The following AKAP11 variants were observed in gnomAD, a reference collection of about 807,000 sequenced individuals.
AKAP11 encodes A-kinase anchor protein 11.
In AKAP11, 36 loss-of-function variants were observed where a neutral mutation model predicts 146.1. That is an observed-to-expected ratio of 0.25 (90% CI 0.19 to 0.33). The LOEUF (loss-of-function observed/expected upper bound fraction) is 0.33. Among genes scored for constraint, AKAP11 ranks in the 10% least tolerant of loss-of-function variants. AKAP11 has a pLI of 1.00. For synonymous variants in AKAP11, 780 were observed against 786.5 expected (o/e 0.99, Z 0.14); for missense variants, 2,201 against 2,197.0 (o/e 1.00, Z -0.04).
In AKAP11 at chr13:42,299,572, T is replaced by C. The variant is rs200655277; in HGVS notation, c.826T>C (p.Trp276Arg). The C allele has an allele frequency of 7.4e-6, 12 of 1,613,866 alleles. No individual in the cohort carries two copies. The Admixed American group carries it at 1.5e-4, about 20-fold the overall frequency. ...AGTCACAACATCAATTTCAGAGCCT[T>C]GGACCCAAAGGAGTTTCTATAGGTC... The part of the protein sequence containing the change: ...TSVTTSISEP[W>R]TQRSFYRSSN... The change falls in exon 8 of 13, where the codon TGG (tryptophan) becomes CGG (arginine). Residue 276 changes from tryptophan (W) to arginine (R), a missense_variant. Physicochemically the swap from Trp to Arg is moderately radical, Grantham distance 101. Around this residue, in one of 3 missense-constraint regions of AKAP11, gnomAD observed 331 missense variants for 347.4 expected, o/e 0.95. Transcript: ENST00000025301.
In AKAP11 at chr13:42,300,393, C is replaced by A; in HGVS notation, c.1647C>A (p.Ser549Arg). ...ATAAATCCTTAATGATTAAAGATAG[C>A]ATTCAAAAATTTGCAGCAGATCTTG... ...SKNKSLMIKD[S>R]IQKFAADLVE... is the part of the protein sequence containing the mutation. The change falls in exon 8 of 13, where the codon AGC becomes AGA. Residue 549 changes from serine (S) to arginine (R), a missense_variant. Coordinates refer to ENST00000025301, the MANE Select transcript of AKAP11 (RefSeq NM_016248.4). The A allele has an allele frequency of 6.2e-7, 1 of 1,610,716 alleles. No homozygotes were observed. The highest frequency in any genetic ancestry group is 1.7e-4 in the Middle Eastern group (1 of 6,042).
chr13:42,273,432 C>T (rs1037975148), intron 1 of AKAP11, among the ~76,000 whole-genome samples: 7 of 149,386 alleles, frequency 4.7e-5, no homozygotes, highest in Non-Finnish European at 8.9e-5. Flanking sequence ...TGTCGTTGTT[C>T]CTCCTGACAA....
At position 42,301,084 on chromosome 13, in the gene AKAP11, A is replaced by G. The variant is rs1243805398; in HGVS notation, c.2338A>G (p.Ile780Val). The change falls in exon 8 of 13, where the codon ATA becomes GTA. Residue 780 changes from isoleucine (I) to valine (V), a missense_variant. This residue lies in a region of AKAP11 where 1,867 missense variants were observed against 1,833.5 expected (regional missense o/e 1.02). Transcript: ENST00000025301. Reference sequence around the variant, plus strand: ...TTGTACTTCTGGAATTGTTACTTCTATACCGGTGCCCTTGGCAGGAAGTGC... The same window carrying G: ...TTGTACTTCTGGAATTGTTACTTCTGTACCGGTGCCCTTGGCAGGAAGTGC... ...LFCTSGIVTS[I>V]PVPLAGSALL... The G allele has an allele frequency of 6.2e-6, 10 of 1,613,968 alleles. No individual in the cohort carries two copies. Among genetic ancestry groups the G allele is most frequent in the African/African-American group, 1.3e-5 (1 of 74,920 alleles).
At chr13:42,285,819 C>A (rs554655816) in intron 1 of AKAP11, among the ~76,000 whole-genome samples, 167 bp from the exon 2 acceptor site, 1 of 150,080 alleles carries the variant, frequency 6.7e-6, no homozygotes, top group African/African-American at 2.4e-5. Flanking sequence ...ATTTCTCATT[C>A]GTCTATTATC....
intron 12 of AKAP11, among the ~76,000 whole-genome samples, chr13:42,318,529 G>A (rs1027757720): frequency 5.9e-5 from 9 of 152,210 alleles, no homozygotes; most frequent in African/African-American, 1.9e-4. Flanking sequence ...CATGTCGTGA[G>A]TGGTGACAAC....
At chr13:42,319,061 A>G (rs771637395) in intron 12 of AKAP11, 27 bp from the exon 13 acceptor site, 10 of 1,600,276 alleles carry the variant, frequency 6.2e-6, no homozygotes, top group Non-Finnish European at 8.5e-6. Context: ...GTTTTTGGTT[A>G]ATGTTTGACA....
intron 3 of AKAP11, among the ~76,000 whole-genome samples, chr13:42,289,975 A>G (rs1465458843): frequency 2.0e-5 from 3 of 152,176 alleles, no homozygotes; most frequent in Non-Finnish European, 2.9e-5. Context: ...TGTCAGTATC[A>G]TTACCACCTC....
Position 42,291,996 on chromosome 13 carries a change from CT to C in AKAP11, c.52-387del, listed in dbSNP as rs1959229795. 4.6e-5 allele frequency among the ~76,000 whole-genome samples: 7 copies of C among 152,262 alleles called. No individual in the cohort carries two copies. In the Middle Eastern group the frequency reaches 0.014, roughly 296 times the overall value. ...TAAGGGAGTAATCACTGTTGTGCAC[CT>C]TACCATAGCTCCCACATCATCTCAT... On this transcript the variant is annotated intron_variant, in intron 3 of 12. Coordinates refer to ENST00000025301, the MANE Select transcript of AKAP11 (RefSeq NM_016248.4).
At chr13:42,289,476 A>G (rs1186120494) in intron 3 of AKAP11, among the ~76,000 whole-genome samples, 1 of 152,100 alleles carries the variant, frequency 6.6e-6, no homozygotes, top group Non-Finnish European at 1.5e-5. Flanking sequence ...TCATTAATTC[A>G]TCTATGTAAG....
chr13:42,293,718 T>C (rs972614551), intron 4 of AKAP11, among the ~76,000 whole-genome samples: 3 of 152,174 alleles, frequency 2.0e-5, no homozygotes, highest in African/African-American at 4.8e-5. Flanking sequence ...TGGTGAGGCC[T>C]TTCTTGACCA....
intron 6 of AKAP11, 38 bp from the exon 7 acceptor site, chr13:42,298,495 A>C: frequency 6.3e-7 from 1 of 1,593,648 alleles, no homozygotes. Flanking sequence ...TTGTATTTGA[A>C]ATTAAAATTG....
At chr13:42,306,427 A>G (rs985438152) in intron 8 of AKAP11, among the ~76,000 whole-genome samples, 6 of 152,098 alleles carry the variant, frequency 3.9e-5, no homozygotes, top group African/African-American at 1.2e-4. Flanking sequence ...TGCCTTTGTT[A>G]TTGATTTTCT....
chr13:42,289,729 A>C (rs1959191732), intron 3 of AKAP11, among the ~76,000 whole-genome samples: 1 of 152,126 alleles, frequency 6.6e-6, no homozygotes, highest in East Asian at 1.9e-4. Flanking sequence ...CTTTGCACTT[A>C]CCATGTCATG....
At chr13:42,313,002 C>T in intron 9 of AKAP11, 45 bp from the exon 10 acceptor site, 1 of 1,517,620 alleles carries the variant, frequency 6.6e-7, no homozygotes, top group Non-Finnish European at 9.1e-7. Context: ...GTCTTTTCTA[C>T]TATTCATTTT....
chr13:42,288,379 T>G (rs1320546604), intron 3 of AKAP11, among the ~76,000 whole-genome samples: 1 of 152,224 alleles, frequency 6.6e-6, no homozygotes, highest in African/African-American at 2.4e-5. Flanking sequence ...TCAACAGTAG[T>G]TAATAATTTG....
chr13:42,276,992 T>G (rs1329786684), intron 1 of AKAP11, among the ~76,000 whole-genome samples: 1 of 152,256 alleles, frequency 6.6e-6, no homozygotes, highest in Non-Finnish European at 1.5e-5. Flanking sequence ...AGATTAAGAA[T>G]GTTACTCCAT....
At chr13:42,306,904 T>C (rs1007398988) in intron 8 of AKAP11, among the ~76,000 whole-genome samples, 2 of 152,218 alleles carry the variant, frequency 1.3e-5, no homozygotes, top group Non-Finnish European at 2.9e-5. Context: ...CAGGCTGATC[T>C]TGAATTCCTG....
chr13:42,313,190 A>G (rs1231818650), intron 10 of AKAP11, 60 bp downstream of exon 10: 1 of 1,280,348 alleles, frequency 7.8e-7, no homozygotes, highest in Non-Finnish European at 1.1e-6. Context: ...GCATGATGTC[A>G]TATTCTTCAA....
At chr13:42,315,700 T>A (rs1353377783) in intron 11 of AKAP11, among the ~76,000 whole-genome samples, 1 of 152,248 alleles carries the variant, frequency 6.6e-6, no homozygotes, top group Non-Finnish European at 1.5e-5. Flanking sequence ...TATGTTGATA[T>A]GTCATTACTG....
Sources: allele counts gnomAD v4.1 joint callset (sites outside exome capture counted in the v4.1 genomes callset), GRCh38; gene constraint gnomAD v4.1.1; regional missense constraint gnomAD v4.1.1; transcripts MANE v1.5; gene names NCBI Gene and HGNC (gene_info 2026-07-23, HGNC 2026-07-21).